The following CDH4 variants were observed in gnomAD, a reference collection of about 807,000 sequenced individuals.
CDH4 encodes cadherin 4, also known as cadherin-4.
Under a neutral mutation model 86.0 loss-of-function variants are expected in CDH4, and 33 were observed. That is an observed-to-expected ratio of 0.38 (90% confidence interval 0.29 to 0.51). The LOEUF is 0.51. Among genes scored for constraint, CDH4 ranks in the 20% least tolerant of loss-of-function variants. The probability of loss-of-function intolerance (pLI) is 0.86; values close to 1 mark genes in which losing one functional copy is unlikely to be tolerated. For missense variants in CDH4, 1,114 were observed against 1,307.4 expected (o/e 0.85, Z 2.28); for synonymous variants, 555 against 549.4 (o/e 1.01, Z -0.14).
At chr20:61,656,066 C>A (rs2087184098) in intron 2 of CDH4, among the ~76,000 whole-genome samples, 1 of 152,164 alleles carries the variant, frequency 6.6e-6, no homozygotes, top group South Asian at 2.1e-4. Flanking sequence ...GGAGCTGAGC[C>A]CTGCTTTGGT....
chr20:61,658,429 G>GC (rs1438948775), intron 2 of CDH4, among the ~76,000 whole-genome samples: 9 of 152,218 alleles, frequency 5.9e-5, no homozygotes, highest in Admixed American at 2.0e-4. Flanking sequence ...GCTCGCAGGT[G>GC]CCCAGGCACC....
intron 8 of CDH4, among the ~76,000 whole-genome samples, chr20:61,899,572 C>T (rs1010108219): frequency 1.3e-5 from 2 of 152,028 alleles, no homozygotes; most frequent in South Asian, 2.1e-4. Context: ...GAACTACAGG[C>T]GCCTGCCACC....
intron 2 of CDH4, among the ~76,000 whole-genome samples, chr20:61,438,914 T>TAA (rs565025226): frequency 1.8e-4 from 25 of 140,958 alleles, no homozygotes; most frequent in Admixed American, 2.8e-4. Context: ...AAAAATTAGC[T>TAA]AAAAAAAAAA....
intron 2 of CDH4, chr20:61,570,499 C>T: frequency 1.7e-6 from 1 of 594,268 alleles, no homozygotes; most frequent in Admixed American, 2.8e-5. Flanking sequence ...GCAGCCCCTG[C>T]TCTCAAGGAT....
chr20:61,444,732 T>A (rs542554298), intron 2 of CDH4, among the ~76,000 whole-genome samples: 11 of 145,180 alleles, frequency 7.6e-5, no homozygotes, highest in African/African-American at 2.6e-4. Flanking sequence ...TATATGTATG[T>A]GTGTTTCTCT....
chr20:61,840,862 G>A (rs905280368), intron 4 of CDH4, among the ~76,000 whole-genome samples: 2 of 152,246 alleles, frequency 1.3e-5, no homozygotes, highest in South Asian at 2.1e-4. Flanking sequence ...GCAGCCACCC[G>A]CTGCCCGCCA....
rs570239723 is a variant in CDH4 at position 61,656,340 on chromosome 20, G to A, written c.170-87223G>A. On this transcript the variant is annotated intron_variant, in intron 2 of 15. Coordinates refer to ENST00000614565, the MANE Select transcript of CDH4 (RefSeq NM_001794.5). ...AAGTGGGCAGGCGCGTGCTGGGGTGGGTAGGCGCGTGCTGAAGTGGGCAGG... is the reference window on the plus strand; with the variant it reads ...AAGTGGGCAGGCGCGTGCTGGGGTGAGTAGGCGCGTGCTGAAGTGGGCAGG... Among the ~76,000 whole-genome samples the A allele has an allele frequency of 2.1e-5, 3 of 144,790 alleles. No homozygotes were observed. The East Asian group carries it at 6.0e-4, about 29-fold the overall frequency. 95.0% of individuals were successfully genotyped at this position (144,790 alleles called of 152,430 possible). A position where few individuals can be genotyped will look rare whatever the true frequency, so the allele number is the denominator to read the frequency against.
chr20:61,276,780 G>A (rs1330730778), intron 2 of CDH4, among the ~76,000 whole-genome samples: 1 of 152,188 alleles, frequency 6.6e-6, no homozygotes, highest in Non-Finnish European at 1.5e-5. Flanking sequence ...GGGAGGCACA[G>A]GAGCCAGCAA....
intron 2 of CDH4, among the ~76,000 whole-genome samples, chr20:61,723,395 C>T (rs1232855548): frequency 6.6e-6 from 1 of 152,166 alleles, no homozygotes; most frequent in Non-Finnish European, 1.5e-5. Flanking sequence ...GTGCAGCTGC[C>T]GTTTAAATGA....
intron 4 of CDH4, among the ~76,000 whole-genome samples, chr20:61,819,782 G>A (rs776940081): frequency 2.6e-5 from 4 of 152,186 alleles, no homozygotes; most frequent in Non-Finnish European, 5.9e-5. Context: ...GAGGAAAGAC[G>A]TTTTAAAGGT....
Position 61,811,194 on chromosome 20 carries a change from C to T in CDH4, c.577-33474C>T, listed in dbSNP as rs1980416561. ...CTCTTAGAGAAAAAAAAAATGCAAT[C>T]CCTGCTGAGGATGTGAACCAGGTGA... On this transcript the variant is annotated intron_variant, in intron 4 of 15. Transcript: ENST00000614565. This position sits in a 1 kb window ranked among gnomAD's most constrained non-coding sequence, Gnocchi z 4.4. Among the ~76,000 whole-genome samples, 1 of 152,264 alleles carries T rather than the reference C, an allele frequency of 6.6e-6. No individual in the cohort carries two copies. Among genetic ancestry groups the T allele is most frequent in the East Asian group, 1.9e-4 (1 of 5,172 alleles).
At chr20:61,900,341 G>A (rs201347038) in intron 8 of CDH4, among the ~76,000 whole-genome samples, 262 of 15,890 alleles carry the variant, frequency 0.016, no homozygotes, top group African/African-American at 0.021. Flanking sequence ...AGCCTCGGCC[G>A]CACAGTGCAA....
chr20:61,358,576 A>G (rs34150144), intron 2 of CDH4, among the ~76,000 whole-genome samples: 33,806 of 152,242 alleles, frequency 0.22, 4,248 homozygotes, highest in East Asian at 0.34. Context: ...TATTCTGCTA[A>G]TTAGTAAAAC....
intron 2 of CDH4, among the ~76,000 whole-genome samples, chr20:61,311,854 C>T (rs1014177654): frequency 3.3e-5 from 5 of 152,248 alleles, no homozygotes; most frequent in Admixed American, 6.5e-5. Context: ...CGCGCCAGGG[C>T]GGGGCGGCCA....
chr20:61,526,396 C>G (rs1297098713), intron 2 of CDH4, among the ~76,000 whole-genome samples: 2 of 152,048 alleles, frequency 1.3e-5, no homozygotes, highest in African/African-American at 4.8e-5. Flanking sequence ...AGGTGAGTGC[C>G]GGACCCCTCA....
At chr20:61,732,215 G>A (rs768724223) in intron 2 of CDH4, among the ~76,000 whole-genome samples, 21 of 152,172 alleles carry the variant, frequency 1.4e-4, no homozygotes, top group Non-Finnish European at 2.5e-4. Flanking sequence ...CATCTTTCAT[G>A]GGAGACAGTG....
intron 13 of CDH4, among the ~76,000 whole-genome samples, chr20:61,931,885 ACTT>A (rs1412937270): frequency 6.6e-6 from 1 of 151,968 alleles, no homozygotes; most frequent in Non-Finnish European, 1.5e-5. Flanking sequence ...ATGCACCTGA[ACTT>A]CTGAGCCTGT....
chr20:61,839,881 GGTGT>G lies in CDH4; in HGVS notation c.577-4780_577-4777del, dbSNP rs939905855. Among the ~76,000 whole-genome samples, 16 of 151,334 alleles carry G rather than the reference GGTGT, an allele frequency of 1.1e-4. No individual in the cohort carries two copies. The East Asian group carries it at 1.4e-3, about 13-fold the overall frequency. ...GTGTTTGTGTATTGTGTGCTTGTGTGGTGTGTGTGTATGTGTGTACTGTGTGTGT... is the reference window on the plus strand; with the variant it reads ...GTGTTTGTGTATTGTGTGCTTGTGTGGTGTGTATGTGTGTACTGTGTGTGT... On this transcript the variant is annotated intron_variant, in intron 4 of 15. Coordinates refer to ENST00000614565, the MANE Select transcript of CDH4 (RefSeq NM_001794.5).
rs528743641 is a variant in CDH4 at position 61,706,836 on chromosome 20, G to A, written c.170-36727G>A. 2.0e-3 allele frequency among the ~76,000 whole-genome samples: 303 copies of A among 152,274 alleles called. 1 individual carries two copies. Among genetic ancestry groups the A allele is most frequent in the Middle Eastern group, 3.4e-3 (1 of 294 alleles). On this transcript the variant is annotated intron_variant, in intron 2 of 15. Transcript: ENST00000614565. ...ATGAGTCATGTGACCGTCAGCATCC[G>A]ACCTCCACATTAGCCGCATGACCCT...
Sources: allele counts gnomAD v4.1 joint callset (sites outside exome capture counted in the v4.1 genomes callset), GRCh38; gene constraint gnomAD v4.1.1; non-coding constraint Gnocchi (gnomAD v3.1); transcripts MANE v1.5; gene names NCBI Gene and HGNC (gene_info 2026-07-23, HGNC 2026-07-21).